LRP1B: variants seen among roughly 807,000 people sequenced by gnomAD.
The protein encoded by LRP1B is LDL receptor related protein 1B.
Under a neutral mutation model 556.6 loss-of-function variants are expected in LRP1B, and 217 were observed. That is an observed-to-expected ratio of 0.39 (90% CI 0.35 to 0.44). LRP1B has a LOEUF of 0.44. LRP1B is among the 20% of genes least tolerant of loss of function. The probability of loss-of-function intolerance (pLI) is 1.00; values close to 1 mark genes in which losing one functional copy is unlikely to be tolerated. For missense variants in LRP1B, 5,053 were observed against 5,620.8 expected (o/e 0.90, Z 3.23); for synonymous variants, 2,047 against 1,865.8 (o/e 1.10, Z -2.50).
chr2:140,974,752 C>A (rs766511214), intron 18 of LRP1B, among the ~76,000 whole-genome samples: 1 of 152,174 alleles, frequency 6.6e-6, no homozygotes, highest in South Asian at 2.1e-4. Flanking sequence ...AGTATCCCCA[C>A]GTTCTACAGA....
chr2:141,322,077 C>A (rs1019725293), intron 3 of LRP1B, among the ~76,000 whole-genome samples: 3 of 152,086 alleles, frequency 2.0e-5, no homozygotes, highest in Non-Finnish European at 2.9e-5. Flanking sequence ...ATTATTGATG[C>A]TTGAAAATTG....
chr2:142,124,258 T>A (rs1207174800), intron 1 of LRP1B, among the ~76,000 whole-genome samples: 3 of 152,040 alleles, frequency 2.0e-5, no homozygotes, highest in East Asian at 3.9e-4. Flanking sequence ...ACATTACTCT[T>A]TTCCACTAAG....
intron 1 of LRP1B, among the ~76,000 whole-genome samples, chr2:141,884,515 C>T (rs769774985): frequency 3.3e-5 from 5 of 152,126 alleles, no homozygotes; most frequent in South Asian, 4.1e-4. Context: ...ACATTGTAAT[C>T]GCCTTGCCAC....
chr2:141,335,144 C>T (rs373716318), intron 3 of LRP1B, among the ~76,000 whole-genome samples: 2 of 152,054 alleles, frequency 1.3e-5, no homozygotes, highest in Non-Finnish European at 2.9e-5. Context: ...ACTTCAAAGA[C>T]GAGTTAAAGC....
At chr2:140,694,966 G>A (rs962813235) in intron 41 of LRP1B, among the ~76,000 whole-genome samples, 1 of 151,408 alleles carries the variant, frequency 6.6e-6, no homozygotes, top group Non-Finnish European at 1.5e-5. Context: ...CCTCCTGGAT[G>A]TCCCTATTTC....
chr2:140,430,267 T>C (rs1461937161), intron 66 of LRP1B, among the ~76,000 whole-genome samples: 1 of 152,150 alleles, frequency 6.6e-6, no homozygotes, highest in Non-Finnish European at 1.5e-5. Flanking sequence ...ACTCAAGCCC[T>C]CACTCTCGCA....
chr2:141,984,912 A>C (rs370097899), intron 1 of LRP1B, among the ~76,000 whole-genome samples: 1 of 152,180 alleles, frequency 6.6e-6, no homozygotes, highest in East Asian at 1.9e-4. Flanking sequence ...TTACTAAAGC[A>C]TCTTACTTGA....
intron 1 of LRP1B, among the ~76,000 whole-genome samples, chr2:141,973,832 C>T (rs1701811743): frequency 6.6e-6 from 1 of 151,646 alleles, no homozygotes; most frequent in Non-Finnish European, 1.5e-5. Context: ...TTGTTGTAAG[C>T]ATATACCTAA....
chr2:141,019,100 A>G (rs926392615), intron 12 of LRP1B, among the ~76,000 whole-genome samples: 2 of 152,138 alleles, frequency 1.3e-5, no homozygotes, highest in African/African-American at 4.8e-5. Context: ...TTTTTAAGTT[A>G]TAAAATACTA....
intron 60 of LRP1B, 34 bp from the exon 61 acceptor site, chr2:140,457,685 C>A: frequency 6.5e-7 from 1 of 1,534,738 alleles, no homozygotes; most frequent in South Asian, 1.1e-5. Flanking sequence ...AATGTTCAGT[C>A]TTGGAAGACT....
At chr2:141,100,114 A>G (rs1044749385) in intron 7 of LRP1B, among the ~76,000 whole-genome samples, 4 of 152,166 alleles carry the variant, frequency 2.6e-5, no homozygotes, top group African/African-American at 9.7e-5. Context: ...TGAACTCCCC[A>G]AAATGAAGCC....
At chr2:141,225,717 C>A (rs1258123817) in intron 6 of LRP1B, among the ~76,000 whole-genome samples, 2 of 151,984 alleles carry the variant, frequency 1.3e-5, no homozygotes. Flanking sequence ...CTATCATTTC[C>A]CCCCAAGGTT....
chr2:140,419,273 G>A (rs1350235322), intron 66 of LRP1B, among the ~76,000 whole-genome samples: 1 of 152,136 alleles, frequency 6.6e-6, no homozygotes, highest in African/African-American at 2.4e-5. Flanking sequence ...AAAAATGTGT[G>A]CATTAACAAC....
Position 141,084,816 on chromosome 2 carries a change from A to AT in LRP1B, c.1014-22544dup, listed in dbSNP as rs1206372038. On this transcript the variant is annotated intron_variant, in intron 7 of 90. Coordinates refer to ENST00000389484, the MANE Select transcript of LRP1B (RefSeq NM_018557.3). ...AGGTGCCCATCACCACGCCCGGCTA[A>AT]TTTTTTGTATTTTTAGTAGAGACGG... 3.3e-5 allele frequency among the ~76,000 whole-genome samples: 5 copies of AT among 151,880 alleles called. No homozygotes were observed. The East Asian group carries it at 5.9e-4, about 18-fold the overall frequency.
intron 1 of LRP1B, among the ~76,000 whole-genome samples, chr2:142,009,582 T>C (rs1702893407): frequency 6.6e-6 from 1 of 152,116 alleles, no homozygotes; most frequent in African/African-American, 2.4e-5. Flanking sequence ...CTAAAAAGAG[T>C]GTCCATAATA....
intron 72 of LRP1B, among the ~76,000 whole-genome samples, chr2:140,361,006 A>C (rs1682477088): frequency 6.6e-6 from 1 of 151,302 alleles, no homozygotes; most frequent in Middle Eastern, 3.2e-3. Flanking sequence ...CTTTATCTTA[A>C]TTCTAGCTCA....
intron 89 of LRP1B, 31 bp downstream of exon 89, chr2:140,238,121 G>A: frequency 1.3e-6 from 2 of 1,550,262 alleles, no homozygotes; most frequent in South Asian, 1.2e-5. Context: ...GAATGTTAGT[G>A]CTCACTGCCC....
chr2:141,996,631 A>G (rs184232725), intron 1 of LRP1B, among the ~76,000 whole-genome samples: 1 of 152,266 alleles, frequency 6.6e-6, no homozygotes, highest in African/African-American at 2.4e-5. Flanking sequence ...ATGACATAGC[A>G]GTTCTCAATT....
At chr2:140,507,417 AT>A (rs1363956498) in intron 52 of LRP1B, among the ~76,000 whole-genome samples, 1 of 152,196 alleles carries the variant, frequency 6.6e-6, no homozygotes, top group Non-Finnish European at 1.5e-5. Flanking sequence ...CTTTAAAAAA[AT>A]AAAATAAAAC....
Sources: allele counts gnomAD v4.1 joint callset (sites outside exome capture counted in the v4.1 genomes callset), GRCh38; gene constraint gnomAD v4.1.1; transcripts MANE v1.5; gene names NCBI Gene and HGNC (gene_info 2026-07-23, HGNC 2026-07-21).